Variants in INTS10 observed in about 807,000 individuals in gnomAD.
INTS10 encodes integrator complex subunit 10, also known as chromosome 8 open reading frame 35.
Under a neutral mutation model 94.4 loss-of-function variants are expected in INTS10, and 44 were observed. That is an observed-to-expected ratio of 0.47 (90% CI 0.37 to 0.60). The LOEUF (loss-of-function observed/expected upper bound fraction) is 0.60, where lower values mean the gene tolerates loss of function less well. Ranked by LOEUF, INTS10 falls within the 20% of genes least tolerant of loss-of-function variation. The probability of loss-of-function intolerance (pLI) is 0.00; values close to 1 mark genes in which losing one functional copy is unlikely to be tolerated. For synonymous variants in INTS10, 341 were observed against 320.7 expected (o/e 1.06, Z -0.68); for missense variants, 797 against 868.7 (o/e 0.92, Z 1.04).
At chr8:19,831,968 T>G in intron 10 of INTS10, 60 bp from the exon 11 acceptor site, 1 of 976,550 alleles carries the variant, frequency 1.0e-6, no homozygotes, top group South Asian at 1.3e-5. Context: ...GATTTGTTAG[T>G]TTGTTTTCTG....
intron 10 of INTS10, 85 bp downstream of exon 10, chr8:19,830,644 A>G: frequency 7.9e-7 from 1 of 1,259,396 alleles, no homozygotes; most frequent in South Asian, 1.4e-5. Flanking sequence ...CTTACGGCAA[A>G]TTAAGTTGAT....
In INTS10 at chr8:19,846,823, C is replaced by T. The variant is rs138490291; in HGVS notation, c.1976+1026C>T. Among the ~76,000 whole-genome samples, 521 of 152,340 alleles carry T rather than the reference C, an allele frequency of 3.4e-3. 2 individuals carry two copies. Among genetic ancestry groups the T allele is most frequent in the Non-Finnish European group, 5.7e-3 (385 of 68,028 alleles). ...TATATCCTCTCTGCTGTAAATGCCA[C>T]GTGTAGTTTTATTTTCATACTTCCT... On this transcript the variant is annotated intron_variant, in intron 16 of 16. Coordinates refer to ENST00000397977, the MANE Select transcript of INTS10 (RefSeq NM_018142.4). The surrounding 1 kb of genome is among the most constrained non-coding windows in gnomAD (Gnocchi z 4.2).
At chr8:19,828,741 G>A (rs2067000296) in intron 9 of INTS10, among the ~76,000 whole-genome samples, 1 of 151,038 alleles carries the variant, frequency 6.6e-6, no homozygotes, top group Non-Finnish European at 1.5e-5. Context: ...TTTTTTGGTG[G>A]AGACAAGGTC....
At chr8:19,827,509 G>C (rs1398770990) in intron 9 of INTS10, among the ~76,000 whole-genome samples, 2 of 152,118 alleles carry the variant, frequency 1.3e-5, no homozygotes, top group African/African-American at 4.8e-5. Flanking sequence ...CATTTTCTCT[G>C]CCTCGTCCTC....
Position 19,837,042 on chromosome 8 carries a change from T to C in INTS10, c.1531-10T>C. 3.2e-6 allele frequency: 5 copies of C among 1,582,756 alleles called. No homozygotes were observed. The highest frequency in any genetic ancestry group is 1.1e-5 in the South Asian group (1 of 90,112). On this transcript the variant is annotated splice_polypyrimidine_tract_variant and intron_variant, in intron 12 of 16. Transcript: ENST00000397977. ...TCAAGTTAGTTCCTTTTTGGTCTTTTCTGCTTTAGATGACATGTGAAAAAG... is the reference window on the plus strand; with the variant it reads ...TCAAGTTAGTTCCTTTTTGGTCTTTCCTGCTTTAGATGACATGTGAAAAAG...
chr8:19,842,484 G>T (rs1202029070), intron 13 of INTS10, among the ~76,000 whole-genome samples: 1 of 152,160 alleles, frequency 6.6e-6, no homozygotes, highest in African/African-American at 2.4e-5. Context: ...GGCTTTAACT[G>T]ATTTTGTGAT....
chr8:19,820,318 C>T lies in INTS10; in HGVS notation c.302-61C>T, dbSNP rs2066271324. The T allele has an allele frequency of 2.6e-6, 4 of 1,531,486 alleles. No homozygotes were observed. The Admixed American group carries it at 5.4e-5, about 21-fold the overall frequency. The allele number at this position is 1,531,486 out of a possible 1,614,324, so 94.9% of individuals were successfully genotyped here. ...GTACATGAAAATGCCTTACTCAGCACTGTTGCTGCAGTCTTTTCTGTCCGC... is the reference window on the plus strand; with the variant it reads ...GTACATGAAAATGCCTTACTCAGCATTGTTGCTGCAGTCTTTTCTGTCCGC... On this transcript the variant is annotated intron_variant, in intron 3 of 16. Transcript: ENST00000397977.
chr8:19,838,807 C>A (rs1356915430), intron 13 of INTS10, among the ~76,000 whole-genome samples: 1 of 151,722 alleles, frequency 6.6e-6, no homozygotes, highest in African/African-American at 2.4e-5. Context: ...CATGGTGGCT[C>A]ATGCCTGTAA....
Position 19,817,630 on chromosome 8 carries a change from G to C in INTS10, c.93G>C (p.Thr31=). ...DLWAAKAWLI[T]ARSLYPADFN... Reference sequence around the variant, plus strand: ...GGGCAGCCAAGGCGTGGCTGATCACGGCCCGCAGCCTCTACCCGGCAGACT... The same window carrying C: ...GGGCAGCCAAGGCGTGGCTGATCACCGCCCGCAGCCTCTACCCGGCAGACT... Residue 31 remains threonine, a synonymous_variant, in exon 1 of 17, where the codon ACG becomes ACC. Transcript: ENST00000397977. 6.2e-7 allele frequency: 1 copy of C among 1,607,370 alleles called. No individual in the cohort carries two copies. Among genetic ancestry groups the C allele is most frequent in the East Asian group, 2.2e-5 (1 of 44,588 alleles).
intron 10 of INTS10, 136 bp downstream of exon 10, chr8:19,830,695 G>C: frequency 1.5e-5 from 12 of 814,414 alleles, no homozygotes; most frequent in Non-Finnish European, 2.3e-5. Flanking sequence ...TTTTGAGACG[G>C]AGTCTCACTC....
rs2066032912 is a variant in INTS10, at chr8:19,817,717, C to CG, written c.129+52dup. 3 of 1,563,780 alleles carry CG rather than the reference C, an allele frequency of 1.9e-6. No individual in the cohort carries two copies. In the Admixed American group the frequency reaches 5.5e-5, roughly 28 times the overall value. ...CGCTCTGCGTGGAGGTGCGCGCTCC[C>CG]GTCGCCCGGGCTGCCCTGGCCCAGA... is the stretch of plus-strand genomic sequence containing the variant. On this transcript the variant is annotated intron_variant, in intron 1 of 16. Coordinates refer to ENST00000397977, the MANE Select transcript of INTS10 (RefSeq NM_018142.4).
intron 15 of INTS10, among the ~76,000 whole-genome samples, 185 bp downstream of exon 15, chr8:19,844,423 T>G (rs533588773): frequency 1.1e-4 from 16 of 152,300 alleles, no homozygotes; most frequent in African/African-American, 3.8e-4. Context: ...AAAGACATGA[T>G]TCAAGGAATT....
chr8:19,827,204 G>A (rs1194400618), intron 9 of INTS10, among the ~76,000 whole-genome samples: 1 of 152,110 alleles, frequency 6.6e-6, no homozygotes, highest in East Asian at 1.9e-4. Flanking sequence ...AGTACCCCGA[G>A]CCCGTCCCTG....
rs1031284557 is a variant in INTS10 at position 19,845,913 on chromosome 8, G to T, written c.1976+116G>T. On this transcript the variant is annotated intron_variant, in intron 16 of 16. Coordinates refer to ENST00000397977, the MANE Select transcript of INTS10 (RefSeq NM_018142.4). ...ATTTAATACAAAGGACTTTAAACCTGGTCTCTGTTATGATAGTTTGATTCT... is the reference window on the plus strand; with the variant it reads ...ATTTAATACAAAGGACTTTAAACCTTGTCTCTGTTATGATAGTTTGATTCT... 53 of 649,348 alleles carry T rather than the reference G, an allele frequency of 8.2e-5. No individual in the cohort carries two copies. The African/African-American group carries it at 8.6e-4, about 11-fold the overall frequency. The allele number at this position is 649,348 out of a possible 1,614,324, so 40.2% of individuals were successfully genotyped here. A position where few individuals can be genotyped will look rare whatever the true frequency, so the allele number is the denominator to read the frequency against.
intron 12 of INTS10, among the ~76,000 whole-genome samples, chr8:19,834,144 C>T (rs2067466184): frequency 6.6e-6 from 1 of 152,096 alleles, no homozygotes; most frequent in African/African-American, 2.4e-5. Context: ...TGACACCTAC[C>T]ACAGTACAAT....
At chr8:19,842,088 T>C (rs2068178027) in intron 13 of INTS10, 1 of 234,110 alleles carries the variant, frequency 4.3e-6, no homozygotes, top group Admixed American at 5.3e-5. Flanking sequence ...TTGAAAGCTA[T>C]TGCTTAAAGT....
chr8:19,818,103 G>A (rs2066079013), intron 1 of INTS10, 172 bp from the exon 2 acceptor site: 5 of 663,486 alleles, frequency 7.5e-6, no homozygotes, highest in Non-Finnish European at 1.1e-5. Flanking sequence ...TGAACCCCAG[G>A]GTCACACTCT....
Position 19,849,980 on chromosome 8 carries a change from A to G in INTS10, c.1977-1669A>G, listed in dbSNP as rs76473405. Among the ~76,000 whole-genome samples the G allele has an allele frequency of 0.014, 2,172 of 152,132 alleles. 61 individuals are homozygous for G. The highest frequency in any genetic ancestry group is 0.05 in the African/African-American group (2,065 of 41,502). Reference sequence around the variant, plus strand: ...GTATTAAAAGCAGGGTTTATTAGCCAGGCCTGGTGGCATATGCCTGTAATC... The same window carrying G: ...GTATTAAAAGCAGGGTTTATTAGCCGGGCCTGGTGGCATATGCCTGTAATC... On this transcript the variant is annotated intron_variant, in intron 16 of 16. Transcript: ENST00000397977. The surrounding 1 kb of genome is among the most constrained non-coding windows in gnomAD (Gnocchi z 4.6).
chr8:19,842,746 C>G, intron 13 of INTS10, 102 bp from the exon 14 acceptor site: 2 of 674,280 alleles, frequency 3.0e-6, no homozygotes, highest in Non-Finnish European at 5.2e-6. Context: ...TGCATATTCT[C>G]TTTTTTGTTG....
Sources: gnomAD v4.1 joint callset for allele counts (sites outside exome capture counted in the v4.1 genomes callset) on GRCh38, gnomAD v4.1.1 for gene constraint, Gnocchi (gnomAD v3.1) non-coding constraint, MANE v1.5 for transcripts, NCBI Gene and HGNC (gene_info 2026-07-23, HGNC 2026-07-21) for gene names.